TTYH3: variants seen among roughly 807,000 people sequenced by gnomAD.
The protein encoded by TTYH3 is tweety family member 3, also known as protein tweety homolog 3.
Under a neutral mutation model 68.2 loss-of-function variants are expected in TTYH3, and 23 were observed. That is an observed-to-expected ratio of 0.34 (90% CI 0.24 to 0.48). The LOEUF (loss-of-function observed/expected upper bound fraction) is 0.48, where lower values mean the gene tolerates loss of function less well. Ranked by LOEUF, TTYH3 falls within the 20% of genes least tolerant of loss-of-function variation. The pLI is 0.99. For synonymous variants in TTYH3, 360 were observed against 332.8 expected, an observed-to-expected ratio of 1.08 and a Z score of -0.89; for missense variants, 768 against 727.7, an observed-to-expected ratio of 1.06 and a Z score of -0.64.
rs539357176 is a variant in TTYH3 at position 2,655,725 on chromosome 7, G to A, written c.1021-367G>A. ...TGAGACTCTTCCCTTGTCTTTAGCT[G>A]TTCCTTGAAATAATACTTTCAAAAG... On this transcript the variant is annotated intron_variant, in intron 9 of 13. Transcript: ENST00000258796. Among the ~76,000 whole-genome samples the A allele has an allele frequency of 2.0e-5, 3 of 152,370 alleles. No homozygotes were observed. The South Asian group carries it at 6.2e-4, about 32-fold the overall frequency.
chr7:2,659,895 C>A, intron 13 of TTYH3: 1 of 1,205,886 alleles, frequency 8.3e-7, no homozygotes, highest in Non-Finnish European at 1.1e-6. Flanking sequence ...GCCACACTCT[C>A]TCTCTCTCTC....
intron 13 of TTYH3, among the ~76,000 whole-genome samples, chr7:2,659,488 CTT>C (rs1449340800): frequency 6.6e-6 from 1 of 152,248 alleles, no homozygotes; most frequent in Non-Finnish European, 1.5e-5. Context: ...GCCCTGCCTC[CTT>C]TTCTTTTTCT....
At chr7:2,639,952 C>T (rs1429693162) in intron 1 of TTYH3, among the ~76,000 whole-genome samples, 1 of 152,154 alleles carries the variant, frequency 6.6e-6, no homozygotes, top group Non-Finnish European at 1.5e-5. Context: ...CTGGTCTCTC[C>T]CAATGCCTCG....
At chr7:2,644,969 C>G (rs867418) in intron 1 of TTYH3, among the ~76,000 whole-genome samples, 23,496 of 152,308 alleles carry the variant, frequency 0.15, 2,008 homozygotes, top group African/African-American at 0.23. Flanking sequence ...CCATCTGCCC[C>G]AGCAGCTCCC....
intron 1 of TTYH3, among the ~76,000 whole-genome samples, chr7:2,636,643 C>G (rs1785663972): frequency 6.6e-6 from 1 of 152,114 alleles, no homozygotes; most frequent in African/African-American, 2.4e-5. Flanking sequence ...CGAATGGGAC[C>G]CTGCATTGGG....
chr7:2,637,329 C>A (rs972480618), intron 1 of TTYH3, among the ~76,000 whole-genome samples: 5 of 152,144 alleles, frequency 3.3e-5, no homozygotes, highest in Admixed American at 6.5e-5. Context: ...CAGGCCACGG[C>A]GGCTCTCCCC....
At chr7:2,643,816 G>C (rs62439523) in intron 1 of TTYH3, among the ~76,000 whole-genome samples, 68,854 of 151,852 alleles carry the variant, frequency 0.45, 17,267 homozygotes, top group African/African-American at 0.67. Flanking sequence ...GGTCACACCT[G>C]TTTAGGCTCT....
chr7:2,642,556 A>AAAAAG (rs1785876143), intron 1 of TTYH3, among the ~76,000 whole-genome samples: 1 of 147,250 alleles, frequency 6.8e-6, no homozygotes, highest in African/African-American at 2.6e-5. Context: ...AAAAAAAAAA[A>AAAAAG]AAAGAAAGAA....
rs369335588 is a variant in TTYH3 at position 2,658,458 on chromosome 7, A to T, written c.1423A>T (p.Met475Leu). 5.6e-6 allele frequency: 9 copies of T among 1,608,056 alleles called. No homozygotes were observed. The highest frequency in any genetic ancestry group is 6.0e-6 in the Non-Finnish European group (7 of 1,176,468). ...CAGCAACGCCCCGGTCACTGAGTACATGTGAGTTGACGTGGGCCTAGTGGG... is the reference window on the plus strand; with the variant it reads ...CAGCAACGCCCCGGTCACTGAGTACTTGTGAGTTGACGTGGGCCTAGTGGG... ...TVSNAPVTEY[M>L]SQNANFQNPR... is the part of the protein sequence containing the mutation. The change falls in exon 12 of 14, where the codon ATG becomes TTG. Residue 475 changes from methionine to leucine, a missense_variant and splice_region_variant. By Grantham distance (15) the Met-to-Leu change is conservative. Coordinates refer to ENST00000258796, the MANE Select transcript of TTYH3 (RefSeq NM_025250.3).
At chr7:2,646,777 G>C in intron 1 of TTYH3, 76 bp from the exon 2 acceptor site, 5 of 1,445,062 alleles carry the variant, frequency 3.5e-6, no homozygotes, top group Non-Finnish European at 3.7e-6. Context: ...TCTGCGCCAG[G>C]TCCCCTGCTG....
At chr7:2,660,103 G>C (rs1307909107) in intron 13 of TTYH3, 4 of 1,257,304 alleles carry the variant, frequency 3.2e-6, no homozygotes, top group Non-Finnish European at 4.2e-6. Flanking sequence ...CCTCCACCCT[G>C]CACTCACTGC....
At chr7:2,637,553 A>G (rs1400510028) in intron 1 of TTYH3, among the ~76,000 whole-genome samples, 1 of 152,132 alleles carries the variant, frequency 6.6e-6, no homozygotes, top group Non-Finnish European at 1.5e-5. Flanking sequence ...GTGCAGGTTT[A>G]GGGGGCTCAG....
intron 5 of TTYH3, 124 bp downstream of exon 5, chr7:2,648,178 G>A (rs544550927): frequency 3.0e-5 from 27 of 898,574 alleles, no homozygotes; most frequent in Non-Finnish European, 3.7e-5. Context: ...GGGGCTGAGC[G>A]GGACCCCCCT....
At chr7:2,656,647 G>C in intron 11 of TTYH3, 113 bp downstream of exon 11, 2 of 1,327,012 alleles carry the variant, frequency 1.5e-6, no homozygotes, top group Non-Finnish European at 2.0e-6. Context: ...GTGAGGGACA[G>C]ACACCTCCTC....
rs1786101171 is a variant in TTYH3, at chr7:2,649,540, G to T, written c.723-27G>T. 10 of 1,559,914 alleles carry T rather than the reference G, an allele frequency of 6.4e-6. No homozygotes were observed. The East Asian group carries it at 2.3e-4, about 36-fold the overall frequency. On this transcript the variant is annotated intron_variant, in intron 5 of 13. Transcript: ENST00000258796. ...GCACGGCCCCCACCCTGGCCTGGGG[G>T]CTGCTGACTGGCTGTCTCTGCCCCA... is the stretch of plus-strand genomic sequence containing the variant.
chr7:2,642,537 CAAAAA>C (rs34165282), intron 1 of TTYH3, among the ~76,000 whole-genome samples: 33 of 57,542 alleles, frequency 5.7e-4, no homozygotes, highest in Non-Finnish European at 8.5e-4. Flanking sequence ...GACTCTGTCT[CAAAAA>C]AAAAAAAAAA....
rs1786105886 is a variant in TTYH3 at position 2,649,648 on chromosome 7, C to T, written c.795+9C>T. 1.9e-6 allele frequency: 3 copies of T among 1,595,336 alleles called. No individual in the cohort carries two copies. The South Asian group carries it at 3.4e-5, about 18-fold the overall frequency. On this transcript the variant is annotated intron_variant, in intron 6 of 13. Transcript: ENST00000258796. ...AGCTGGCTGTGTCCGTGGTGAGTGG[C>T]AGAGGGGGTGAGGTCCCCGGCTGCT...
At chr7:2,638,980 G>T (rs1436291850) in intron 1 of TTYH3, among the ~76,000 whole-genome samples, 2 of 152,122 alleles carry the variant, frequency 1.3e-5, no homozygotes, top group African/African-American at 4.8e-5. Flanking sequence ...AACAAGTCTG[G>T]GCCCTAGGGA....
chr7:2,641,624 TCAGA>T (rs1785848967), intron 1 of TTYH3, among the ~76,000 whole-genome samples: 1 of 152,206 alleles, frequency 6.6e-6, no homozygotes. Flanking sequence ...CAGCTGCTGA[TCAGA>T]CAGTTCCCAT....
Sources: allele counts gnomAD v4.1 joint callset (sites outside exome capture counted in the v4.1 genomes callset), GRCh38; gene constraint gnomAD v4.1.1; transcripts MANE v1.5; gene names NCBI Gene and HGNC (gene_info 2026-07-23, HGNC 2026-07-21).